The following FER1L6 variants were observed in gnomAD, a reference collection of about 807,000 sequenced individuals.
FER1L6 encodes fer-1-like protein 6.
FER1L6 carries 177 observed loss-of-function variants against 219.2 expected under a neutral mutation model. That is an observed-to-expected ratio of 0.81 (90% confidence interval 0.71 to 0.91). FER1L6 has a LOEUF of 0.91. Among genes scored for constraint, FER1L6 ranks in the 40% least tolerant of loss-of-function variants. The probability of loss-of-function intolerance (pLI) is 0.00; values close to 1 mark genes in which losing one functional copy is unlikely to be tolerated. For synonymous variants in FER1L6, 768 were observed against 824.3 expected (o/e 0.93, Z 1.17); for missense variants, 2,153 against 2,259.9 (o/e 0.95, Z 0.96).
At position 123,972,671 on chromosome 8, in the gene FER1L6, A is replaced by G. The variant is rs544340450; in HGVS notation, c.448-763A>G. Among the ~76,000 whole-genome samples the G allele has an allele frequency of 2.0e-5, 3 of 152,348 alleles. 1 individual carries two copies. Among genetic ancestry groups the G allele is most frequent in the East Asian group, 1.9e-4 (1 of 5,182 alleles). ...TCTCTCATCCTGTTATTTGGGAACC[A>G]TAGAGGGGGACTTGCTCTCTCTTCT... On this transcript the variant is annotated intron_variant, in intron 6 of 40. Coordinates refer to ENST00000522917, the MANE Select transcript of FER1L6 (RefSeq NM_001039112.2).
At chr8:124,078,556 G>A (rs954056320) in intron 32 of FER1L6, among the ~76,000 whole-genome samples, 1 of 152,192 alleles carries the variant, frequency 6.6e-6, no homozygotes, top group East Asian at 1.9e-4. Context: ...TCCACCATGT[G>A]TCAGGCACAC....
chr8:124,100,616 T>C lies in FER1L6; in HGVS notation c.4884-481T>C, dbSNP rs75411016. The stretch of plus-strand genomic sequence containing the variant: ...CCAGGGAGGAGGGGACCAATTATAG[T>C]CTGATGGCATAGGTCTGACAACCCA... On this transcript the variant is annotated intron_variant, in intron 37 of 40. Coordinates refer to ENST00000522917, the MANE Select transcript of FER1L6 (RefSeq NM_001039112.2). 4.3e-4 allele frequency among the ~76,000 whole-genome samples: 65 copies of C among 152,230 alleles called. 1 individual carries two copies. In the East Asian group the frequency reaches 0.011, roughly 26 times the overall value.
intron 1 of FER1L6, among the ~76,000 whole-genome samples, chr8:123,931,924 T>C (rs943108878): frequency 6.6e-6 from 1 of 152,178 alleles, no homozygotes; most frequent in Non-Finnish European, 1.5e-5. Flanking sequence ...TTAAAAAATA[T>C]CTTACAATTC....
chr8:123,977,758 T>C (rs1816154961), intron 10 of FER1L6, 149 bp downstream of exon 10: 1 of 715,704 alleles, frequency 1.4e-6, no homozygotes. Flanking sequence ...CATGAATGGG[T>C]TGGGGGATGG....
At chr8:123,982,254 G>C (rs1168406306) in intron 11 of FER1L6, among the ~76,000 whole-genome samples, 3 of 152,114 alleles carry the variant, frequency 2.0e-5, no homozygotes, top group Non-Finnish European at 4.4e-5. Context: ...CGTTTTTCCT[G>C]CTGTGGGTTG....
rs373763365 is a variant in FER1L6 at position 124,070,557 on chromosome 8, G to A, written c.3925G>A (p.Asp1309Asn). ...ELFRGKSTED[D>N]HGLDGDRVIG... ...CTTCAGAGGCAAGTCTACGGAAGATGACCATGGTCTTGATGGAGACCGAGT... is the reference window on the plus strand; with the variant it reads ...CTTCAGAGGCAAGTCTACGGAAGATAACCATGGTCTTGATGGAGACCGAGT... Residue 1309 changes from aspartate to asparagine, a missense_variant, in exon 30 of 41, where the codon GAC (aspartate) becomes AAC (asparagine). Physicochemically the swap from Asp to Asn is conservative, Grantham distance 23. Transcript: ENST00000522917. 1.2e-6 allele frequency: 2 copies of A among 1,609,300 alleles called. No individual in the cohort carries two copies. The highest frequency in any genetic ancestry group is 1.7e-6 in the Non-Finnish European group (2 of 1,178,596).
intron 32 of FER1L6, among the ~76,000 whole-genome samples, chr8:124,080,087 C>T (rs552626897): frequency 6.8e-4 from 103 of 152,190 alleles, no homozygotes; most frequent in African/African-American, 2.2e-3. Flanking sequence ...GCTGAATGAA[C>T]GAATGAATAA....
intron 12 of FER1L6, among the ~76,000 whole-genome samples, chr8:124,002,203 G>C (rs575448598): frequency 6.6e-6 from 1 of 152,344 alleles, no homozygotes; most frequent in African/African-American, 2.4e-5. Flanking sequence ...AGGCAATTCT[G>C]TACGGAAGGT....
At chr8:124,094,652 A>AT (rs1822195523) in intron 34 of FER1L6, among the ~76,000 whole-genome samples, 1 of 151,754 alleles carries the variant, frequency 6.6e-6, no homozygotes, top group African/African-American at 2.4e-5. Flanking sequence ...CACCTGGCTA[A>AT]TTTTTTGTAT....
intron 1 of FER1L6, among the ~76,000 whole-genome samples, chr8:123,917,806 T>C (rs1339362642): frequency 6.6e-6 from 1 of 152,230 alleles, no homozygotes; most frequent in East Asian, 1.9e-4. Context: ...ATAACCTACT[T>C]TTCCTCCGAA....
At chr8:124,037,443 C>G (rs964856016) in intron 19 of FER1L6, among the ~76,000 whole-genome samples, 7 of 152,158 alleles carry the variant, frequency 4.6e-5, no homozygotes, top group Non-Finnish European at 8.8e-5. Context: ...CAGGGCCCAG[C>G]CTGTTTTGTG....
At chr8:123,948,990 C>G (rs972560298) in intron 1 of FER1L6, among the ~76,000 whole-genome samples, 3 of 152,138 alleles carry the variant, frequency 2.0e-5, no homozygotes, top group Admixed American at 1.3e-4. Context: ...GAAGTGTGCA[C>G]TAGCACCAGG....
In FER1L6 at chr8:124,066,454, C is replaced by T. The variant is rs774778523; in HGVS notation, c.3582C>T (p.Ser1194=). The change falls in exon 27 of 41, where the codon TCC becomes TCT. Residue 1194 remains serine (S), a synonymous_variant. Coordinates refer to ENST00000522917, the MANE Select transcript of FER1L6 (RefSeq NM_001039112.2). The part of the protein sequence containing the change: ...PKDPRKPSRR[S]TKRRKRTIAD... The stretch of plus-strand genomic sequence containing the variant: ...ATCCCAGGAAGCCTTCCCGGAGGTC[C>T]ACTAAGAGGAGAAAGAGGACCATAG... 1.9e-6 allele frequency: 3 copies of T among 1,613,982 alleles called. No individual in the cohort carries two copies. Among genetic ancestry groups the T allele is most frequent in the Non-Finnish European group, 2.5e-6 (3 of 1,179,922 alleles).
chr8:123,988,754 A>C (rs1816711079), intron 12 of FER1L6, among the ~76,000 whole-genome samples: 1 of 151,690 alleles, frequency 6.6e-6, no homozygotes, highest in African/African-American at 2.4e-5. Context: ...CAAATATAAG[A>C]TCATATCATC....
chr8:124,003,450 C>CA, intron 13 of FER1L6, 103 bp downstream of exon 13: 3 of 240,340 alleles, frequency 1.2e-5, no homozygotes. Context: ...TCAGAAATGT[C>CA]CTTTTTTTTT....
rs367553708 is a variant in FER1L6 at position 124,017,699 on chromosome 8, C to T, written c.1994C>T (p.Thr665Met). 1.7e-5 allele frequency: 28 copies of T among 1,613,340 alleles called. No homozygotes were observed. The East Asian group carries it at 2.5e-4, about 14-fold the overall frequency. ...NQTTLDKKRL[T>M]LCWQELEAMC... Reference sequence around the variant, plus strand: ...ACCACTTTAGATAAGAAGCGACTTACGCTCTGCTGGCAGGAGCTGGTATGT... The same window carrying T: ...ACCACTTTAGATAAGAAGCGACTTATGCTCTGCTGGCAGGAGCTGGTATGT... Residue 665 changes from threonine to methionine, a missense_variant, in exon 16 of 41, where the codon ACG becomes ATG. Transcript: ENST00000522917.
intron 22 of FER1L6, among the ~76,000 whole-genome samples, chr8:124,056,855 G>A (rs1166497227): frequency 1.3e-5 from 2 of 152,128 alleles, no homozygotes; most frequent in South Asian, 2.1e-4. Flanking sequence ...GACCAGACTG[G>A]TTAACATGGT....
chr8:123,982,237 C>A (rs1816355848), intron 11 of FER1L6, among the ~76,000 whole-genome samples: 1 of 152,134 alleles, frequency 6.6e-6, no homozygotes, highest in Non-Finnish European at 1.5e-5. Context: ...CCATCTATCC[C>A]TGTAGTCGTT....
chr8:124,071,703 A>G, intron 31 of FER1L6, 72 bp downstream of exon 31: 4 of 1,513,874 alleles, frequency 2.6e-6, no homozygotes, highest in Non-Finnish European at 3.6e-6. Flanking sequence ...TATATGGCAG[A>G]CTGGGAGGCT....
Sources: gnomAD v4.1 joint callset for allele counts (sites outside exome capture counted in the v4.1 genomes callset) on GRCh38, gnomAD v4.1.1 for gene constraint, MANE v1.5 for transcripts, NCBI Gene and HGNC (gene_info 2026-07-23, HGNC 2026-07-21) for gene names.